The following IST1 variants were observed in gnomAD, a reference collection of about 807,000 sequenced individuals.
IST1 encodes the protein IST1 homolog.
Under a neutral mutation model 37.0 loss-of-function variants are expected in IST1, and 23 were observed. The ratio of observed to expected loss-of-function variants is 0.62; its 90% CI spans 0.45 to 0.88. The LOEUF is 0.88. Ranked by LOEUF, IST1 falls within the 40% of genes least tolerant of loss-of-function variation. IST1 has a pLI of 0.00. For synonymous variants in IST1, 180 were observed against 161.7 expected (o/e 1.11, Z -0.86); for missense variants, 488 against 445.4 (o/e 1.10, Z -0.86).
intron 1 of IST1, among the ~76,000 whole-genome samples, chr16:71,899,935 AGTAGTGAGCCAAGATT>A (rs1221537305): frequency 6.7e-6 from 1 of 148,504 alleles, no homozygotes; most frequent in Non-Finnish European, 1.5e-5. Context: ...AGGCAGAGGT[AGTAGTGAGCCAAGATT>A]GCGCCACTGC....
chr16:71,921,284 G>A, intron 5 of IST1, 59 bp from the exon 6 acceptor site: 1 of 985,310 alleles, frequency 1.0e-6, no homozygotes, highest in Admixed American at 1.8e-5. Context: ...CGCATAGTGA[G>A]GTGAGGATTA....
intron 1 of IST1, among the ~76,000 whole-genome samples, chr16:71,905,311 G>A (rs2037198954): frequency 2.0e-5 from 3 of 151,196 alleles, no homozygotes; most frequent in Admixed American, 6.6e-5. Flanking sequence ...TGCGATTATG[G>A]GCATGAGCCA....
chr16:71,929,438 C>A lies in IST1; in HGVS notation c.*1625C>A. 1.6e-6 allele frequency: 2 copies of A among 1,221,092 alleles called. No individual in the cohort carries two copies. Among genetic ancestry groups the A allele is most frequent in the South Asian group, 1.8e-5 (1 of 55,264 alleles). 75.6% of individuals were successfully genotyped at this position (1,221,092 alleles called of 1,614,324 possible). ...CAAGGGGATTTTGATTCCTAACTTACAGAATTAAAAACAAAGTATATTATA... is the reference window on the plus strand; with the variant it reads ...CAAGGGGATTTTGATTCCTAACTTAAAGAATTAAAAACAAAGTATATTATA... On this transcript the variant is annotated 3_prime_UTR_variant, in exon 10 of 10. Transcript: ENST00000378799.
At position 71,924,785 on chromosome 16, in the gene IST1, CTGA is replaced by C. The variant is rs764162380; in HGVS notation, c.871_873del (p.Asp291del). The C allele has an allele frequency of 5.0e-6, 8 of 1,609,876 alleles. No individual in the cohort carries two copies. The South Asian group carries it at 8.8e-5, about 18-fold the overall frequency. On this transcript the variant is annotated inframe_deletion, in exon 9 of 10. Coordinates refer to ENST00000378799, the MANE Select transcript of IST1 (RefSeq NM_001270975.2). ...GTGTTTCAGGTAGATGACATTAATGCTGATAAGAATATCTCTTCTGCACAGATT... is the reference window on the plus strand; with the variant it reads ...GTGTTTCAGGTAGATGACATTAATGCTAAGAATATCTCTTCTGCACAGATT...
chr16:71,923,985 C>A, intron 8 of IST1: 2 of 383,562 alleles, frequency 5.2e-6, no homozygotes, highest in Middle Eastern at 3.7e-4. Flanking sequence ...TAGTATTTTA[C>A]TGAGAAACAA....
Position 71,915,653 on chromosome 16 carries a change from G to C in IST1, c.13G>C (p.Gly5Arg). 1 of 1,612,124 alleles carries C rather than the reference G, an allele frequency of 6.2e-7. No individual in the cohort carries two copies. The highest frequency in any genetic ancestry group is 8.5e-7 in the Non-Finnish European group (1 of 1,179,552). Reference sequence around the variant, plus strand: ...GGAACAGCACAGCATGCTGGGCTCTGGATTTAAAGCTGAGCGCTTAAGAGT... The same window carrying C: ...GGAACAGCACAGCATGCTGGGCTCTCGATTTAAAGCTGAGCGCTTAAGAGT... MLGSGFKAERLRVNL... is the reference protein window; with the variant it reads MLGSRFKAERLRVNL... The change falls in exon 2 of 10, where the codon GGA becomes CGA. Residue 5 changes from glycine to arginine, a missense_variant. Around this residue, in one of 2 missense-constraint regions of IST1, gnomAD observed 33 missense variants for 59.3 expected, o/e 0.56. Transcript: ENST00000378799.
chr16:71,921,632 GAATGAC>G, intron 6 of IST1, 179 bp downstream of exon 6: 1 of 538,802 alleles, frequency 1.9e-6, no homozygotes, highest in South Asian at 2.5e-5. Flanking sequence ...GGAATTAGAT[GAATGAC>G]AACACTTTGA....
At chr16:71,907,271 C>T (rs1258653871) in intron 1 of IST1, among the ~76,000 whole-genome samples, 2 of 148,504 alleles carry the variant, frequency 1.3e-5, no homozygotes, top group Non-Finnish European at 3.0e-5. Flanking sequence ...TTTCTCCTAT[C>T]CTTATGGGAT....
At chr16:71,901,970 CT>C in intron 1 of IST1, among the ~76,000 whole-genome samples, 1 of 152,240 alleles carries the variant, frequency 6.6e-6, no homozygotes, top group Admixed American at 6.5e-5. Context: ...CCTTAAACAT[CT>C]TATTTTAACA....
upstream of IST1, chr16:71,894,789 C>T (rs1228592650): frequency 6.8e-7 from 1 of 1,478,446 alleles, no homozygotes; most frequent in Non-Finnish European, 9.1e-7. Flanking sequence ...TCCCGCCCCG[C>T]CTCTCAAAGT....
chr16:71,924,155 C>T lies in IST1; in HGVS notation c.853-614C>T, dbSNP rs1479915932. ...TTGGTTTTGCATGCGTCACATAACC[C>T]ACAGCCGTTGGTAGGAATGAGGTCG... On this transcript the variant is annotated intron_variant, in intron 8 of 9. Transcript: ENST00000378799. 8 of 456,018 alleles carry T rather than the reference C, an allele frequency of 1.8e-5. No individual in the cohort carries two copies. The East Asian group carries it at 4.2e-4, about 24-fold the overall frequency. The allele number at this position is 456,018 out of a possible 1,614,324, so 28.2% of individuals were successfully genotyped here. A position where few individuals can be genotyped will look rare whatever the true frequency, so the allele number is the denominator to read the frequency against.
rs1257645200 is a variant in IST1, at chr16:71,930,031, G to GT, written c.*2221dup. On this transcript the variant is annotated 3_prime_UTR_variant, in exon 10 of 10. Transcript: ENST00000378799. Reference sequence around the variant, plus strand: ...TTCCCAGTGATATAACAGCATGCTAGTTTATCTTTTAGTTACCTACCTTAA... The same window carrying GT: ...TTCCCAGTGATATAACAGCATGCTAGTTTTATCTTTTAGTTACCTACCTTAA... 4 of 1,542,752 alleles carry GT rather than the reference G, an allele frequency of 2.6e-6. No individual in the cohort carries two copies. The East Asian group carries it at 9.8e-5, about 38-fold the overall frequency.
intron 8 of IST1, chr16:71,924,416 C>G (rs932951334): frequency 5.4e-5 from 22 of 408,168 alleles, no homozygotes; most frequent in Non-Finnish European, 8.3e-5. Flanking sequence ...CATGGCGAAA[C>G]CCTGTCTCTA....
intron 1 of IST1, among the ~76,000 whole-genome samples, chr16:71,904,248 C>T (rs1444747375): frequency 6.6e-6 from 1 of 152,180 alleles, no homozygotes; most frequent in African/African-American, 2.4e-5. Context: ...CTCAGCCTCC[C>T]AAGTAGCTGG....
chr16:71,927,559 G>A (rs2037775837), intron 9 of IST1, 55 bp from the exon 10 acceptor site: 4 of 1,208,968 alleles, frequency 3.3e-6, no homozygotes, highest in African/African-American at 3.0e-5. Context: ...ACTGCCAAAG[G>A]GGATCTGAGT....
chr16:71,899,652 G>A (rs1015621092), intron 1 of IST1, among the ~76,000 whole-genome samples: 2 of 152,158 alleles, frequency 1.3e-5, no homozygotes, highest in African/African-American at 4.8e-5. Flanking sequence ...GAGGCGGGTG[G>A]ATCACCTGAG....
chr16:71,925,771 A>G (rs1268882689), intron 9 of IST1, among the ~76,000 whole-genome samples: 2 of 152,018 alleles, frequency 1.3e-5, no homozygotes, highest in African/African-American at 4.8e-5. Flanking sequence ...CAGCCTGGGC[A>G]AGATCCTTGT....
chr16:71,931,096 G>GT lies in IST1; in HGVS notation c.*3289dup, dbSNP rs923098777. On this transcript the variant is annotated 3_prime_UTR_variant, in exon 10 of 10. Transcript: ENST00000378799. Reference sequence around the variant, plus strand: ...TGTTTATTTTTTGTTTGCTCTATTTGTTTTTTAATGTTTTTTACTTTATGT... The same window carrying GT: ...TGTTTATTTTTTGTTTGCTCTATTTGTTTTTTTAATGTTTTTTACTTTATGT... The GT allele has an allele frequency of 5.9e-5, 9 of 151,934 alleles. No individual in the cohort carries two copies. The highest frequency in any genetic ancestry group is 2.2e-4 in the African/African-American group (9 of 41,398). 9.4% of individuals were successfully genotyped at this position (151,934 alleles called of 1,614,324 possible).
At chr16:71,920,659 G>C in intron 4 of IST1, 80 bp from the exon 5 acceptor site, 1 of 972,704 alleles carries the variant, frequency 1.0e-6, no homozygotes, top group Non-Finnish European at 1.6e-6. Flanking sequence ...ATAGACGCGT[G>C]TTTACTGTTG....
Sources: allele counts gnomAD v4.1 joint callset (sites outside exome capture counted in the v4.1 genomes callset), GRCh38; gene constraint gnomAD v4.1.1; regional missense constraint gnomAD v4.1.1; transcripts MANE v1.5; gene names NCBI Gene and HGNC (gene_info 2026-07-23, HGNC 2026-07-21).